Variants in SORBS2 observed in about 807,000 individuals in gnomAD.
SORBS2 encodes sorbin and SH3 domain-containing protein 2.
Under a neutral mutation model 97.7 loss-of-function variants are expected in SORBS2, and 46 were observed. That is an observed-to-expected ratio of 0.47 (90% CI 0.37 to 0.60). The LOEUF is 0.60. SORBS2 is among the 20% of genes least tolerant of loss of function. SORBS2 has a pLI of 0.00. For missense variants in SORBS2, 1,316 were observed against 1,282.3 expected (o/e 1.03, Z -0.40); for synonymous variants, 476 against 473.4 (o/e 1.01, Z -0.07).
intron 5 of SORBS2, among the ~76,000 whole-genome samples, chr4:185,628,051 T>C (rs558750019): frequency 3.3e-4 from 51 of 152,340 alleles, no homozygotes; most frequent in African/African-American, 1.2e-3. Flanking sequence ...TATTATTACA[T>C]GGATGCGCCA....
intron 1 of SORBS2, among the ~76,000 whole-genome samples, chr4:185,906,333 T>G (rs1313154071): frequency 1.3e-5 from 2 of 152,238 alleles, no homozygotes; most frequent in Non-Finnish European, 2.9e-5. Flanking sequence ...ACGCCTGGCC[T>G]GTTTATTTTT....
At chr4:185,661,445 A>G (rs1582100760), upstream of SORBS2, among the ~76,000 whole-genome samples, 1 of 152,188 alleles carries the variant, frequency 6.6e-6, no homozygotes, top group African/African-American at 2.4e-5. Context: ...GAACGTCCGT[A>G]TGTCCATTTG....
At chr4:185,868,187 C>T (rs1433345520) in intron 1 of SORBS2, among the ~76,000 whole-genome samples, 1 of 61,532 alleles carries the variant, frequency 1.6e-5, no homozygotes, top group Non-Finnish European at 3.1e-5. Context: ...GGCAGAGTCT[C>T]ACTCTGTCAC....
intron 7 of SORBS2, 96 bp from the exon 20 acceptor site, chr4:185,620,247 C>A: frequency 1.2e-6 from 1 of 810,166 alleles, no homozygotes; most frequent in African/African-American, 1.7e-5. Context: ...CTTTTTTCCC[C>A]AAATTTGGAG....
intron 1 of SORBS2, among the ~76,000 whole-genome samples, chr4:185,931,608 G>A (rs1445073166): frequency 6.6e-6 from 1 of 152,110 alleles, no homozygotes; most frequent in Non-Finnish European, 1.5e-5. Flanking sequence ...CCAAGGCTAG[G>A]GGATGAGGCA....
rs192256890 is a variant in SORBS2, at chr4:185,594,902, G to A, written c.2797-967C>T. Among the ~76,000 whole-genome samples, 157 of 151,950 alleles carry A rather than the reference G, an allele frequency of 1.0e-3. 1 individual carries two copies. The highest frequency in any genetic ancestry group is 3.6e-3 in the African/African-American group (148 of 41,232). On this transcript the variant is annotated intron_variant, in intron 12 of 14. Transcript: ENST00000418609. ...CAGAATTTGCATGGCAATTATATAA[G>A]TGACTGTTTGATGACTACTGAAATA... is the stretch of plus-strand genomic sequence containing the variant.
At chr4:185,921,686 T>C (rs2099260991) in intron 1 of SORBS2, among the ~76,000 whole-genome samples, 2 of 152,206 alleles carry the variant, frequency 1.3e-5, no homozygotes, top group Non-Finnish European at 2.9e-5. Flanking sequence ...CACAAAGCAA[T>C]GGATATTTAC....
In SORBS2 at chr4:185,827,183, TCAC is replaced by T. The variant is rs1442244029; in HGVS notation, c.-337-51820_-337-51818del. On this transcript the variant is annotated intron_variant, in intron 1 of 20. Transcript: ENST00000284776. ...ATCACCATCATCACCATCATCAGAA[TCAC>T]CATCATCATCATCATCACCATCATC... Among the ~76,000 whole-genome samples, 594 of 97,086 alleles carry T rather than the reference TCAC, an allele frequency of 6.1e-3. 10 individuals carry two copies. Among genetic ancestry groups the T allele is most frequent in the African/African-American group, 0.023 (566 of 25,014 alleles). 63.7% of individuals were successfully genotyped at this position (97,086 alleles called of 152,430 possible). A position where few individuals can be genotyped will look rare whatever the true frequency, so the allele number is the denominator to read the frequency against.
At position 185,607,268 on chromosome 4, in the gene SORBS2, G is replaced by GGTC; in HGVS notation, c.2796+4511_2796+4512insGAC. 1 of 1,268,650 alleles carries GGTC rather than the reference G, an allele frequency of 7.9e-7. No homozygotes were observed. Among genetic ancestry groups the GGTC allele is most frequent in the Non-Finnish European group, 1.0e-6 (1 of 980,598 alleles). 78.6% of individuals were successfully genotyped at this position (1,268,650 alleles called of 1,614,324 possible). ...GAGGCTGTCAGGGACAACCAGCCCT[G>GGTC]GCCAGTTCCCTGGAGAGCTCCTTTA... On this transcript the variant is annotated intron_variant, in intron 12 of 14. Transcript: ENST00000418609. This position sits in a 1 kb window ranked among gnomAD's most constrained non-coding sequence, Gnocchi z 5.2.
At chr4:185,667,203 T>C (rs146433822) in intron 4 of SORBS2, among the ~76,000 whole-genome samples, 130 of 152,306 alleles carry the variant, frequency 8.5e-4, no homozygotes, top group African/African-American at 3.0e-3. Flanking sequence ...GGTTTTAAGA[T>C]AGATGGCCAG....
At chr4:185,899,595 C>G (rs746941541) in intron 1 of SORBS2, among the ~76,000 whole-genome samples, 8 of 152,076 alleles carry the variant, frequency 5.3e-5, no homozygotes, top group Non-Finnish European at 1.0e-4. Flanking sequence ...TGAGTTTAAA[C>G]CCACCTAACA....
intron 12 of SORBS2, among the ~76,000 whole-genome samples, chr4:185,600,955 A>C (rs933425784): frequency 6.6e-6 from 1 of 152,080 alleles, no homozygotes; most frequent in African/African-American, 2.4e-5. Context: ...ACAGTGAGTA[A>C]GCTGACCTTC....
chr4:185,740,079 A>T (rs1053947774), intron 2 of SORBS2: 1 of 152,706 alleles, frequency 6.5e-6, no homozygotes, highest in African/African-American at 2.4e-5. Context: ...GCAAATCAGC[A>T]TCGCGATGCC....
intron 2 of SORBS2, among the ~76,000 whole-genome samples, chr4:185,728,072 T>C (rs993791010): frequency 6.6e-6 from 1 of 152,162 alleles, no homozygotes; most frequent in Non-Finnish European, 1.5e-5. Flanking sequence ...TTCAAAAACA[T>C]ATTTCTATTG....
chr4:185,814,327 T>G (rs2099191952), intron 1 of SORBS2, among the ~76,000 whole-genome samples: 1 of 151,690 alleles, frequency 6.6e-6, no homozygotes, highest in African/African-American at 2.4e-5. Context: ...AGCCCAGGAT[T>G]TGAGACCAGT....
chr4:185,720,138 A>G lies in SORBS2; in HGVS notation c.-197-41316T>C, dbSNP rs199529320. On this transcript the variant is annotated intron_variant, in intron 2 of 20. Transcript: ENST00000284776. ...GTTTAGCGCTGAGAAAGACAGAGCA[A>G]TAAATGGAAGGAGCCCAGGTTCCCA... 5.9e-5 allele frequency among the ~76,000 whole-genome samples: 9 copies of G among 152,334 alleles called. No individual in the cohort carries two copies. In the East Asian group the frequency reaches 1.7e-3, roughly 29 times the overall value.
Position 185,651,668 on chromosome 4 carries a change from T to C in SORBS2, c.91+994A>G, listed in dbSNP as rs368503810. On this transcript the variant is annotated intron_variant, in intron 2 of 14. Transcript: ENST00000418609. Reference sequence around the variant, plus strand: ...GAGAAAAGAAAAGAAATCCTCCTCCTAATATATGAACTGAAAACATGTGCT... The same window carrying C: ...GAGAAAAGAAAAGAAATCCTCCTCCCAATATATGAACTGAAAACATGTGCT... 2.1e-5 allele frequency: 15 copies of C among 728,290 alleles called. 1 individual carries two copies. Among genetic ancestry groups the C allele is most frequent in the African/African-American group, 7.2e-5 (4 of 55,920 alleles). The allele number at this position is 728,290 out of a possible 1,614,324, so 45.1% of individuals were successfully genotyped here.
chr4:185,931,675 G>A (rs1347809685), intron 1 of SORBS2, among the ~76,000 whole-genome samples: 4 of 152,138 alleles, frequency 2.6e-5, no homozygotes, highest in African/African-American at 7.2e-5. Context: ...TCATTAAACT[G>A]ACGCAGCAGG....
intron 4 of SORBS2, chr4:185,676,944 G>T: frequency 7.0e-7 from 1 of 1,438,374 alleles, no homozygotes; most frequent in East Asian, 2.5e-5. Context: ...AAGGAGTTAG[G>T]GTCTCTACGA....
Sources: gnomAD v4.1 joint callset for allele counts (sites outside exome capture counted in the v4.1 genomes callset) on GRCh38, gnomAD v4.1.1 for gene constraint, Gnocchi (gnomAD v3.1) non-coding constraint, MANE v1.5 for transcripts, NCBI Gene and HGNC (gene_info 2026-07-23, HGNC 2026-07-21) for gene names.